The following OR6V1 variants were observed in gnomAD, a reference collection of about 807,000 sequenced individuals.
OR6V1 encodes olfactory receptor family 6 subfamily V member 1, also known as olfactory receptor 6V1.
OR6V1 carries 10 observed loss-of-function variants against 13.2 expected under a neutral mutation model. That is an observed-to-expected ratio of 0.76 (90% CI 0.47 to 1.28). The LOEUF is 1.28. OR6V1 is among the 50% of genes most tolerant of loss of function. The probability of loss-of-function intolerance (pLI) is 0.00; values close to 1 mark genes in which losing one functional copy is unlikely to be tolerated. For missense variants in OR6V1, 350 were observed against 380.4 expected, an observed-to-expected ratio of 0.92 and a Z score of 0.67; for synonymous variants, 137 against 154.2, an observed-to-expected ratio of 0.89 and a Z score of 0.83.
Position 143,052,908 on chromosome 7 carries a change from A to G in OR6V1, c.568A>G (p.Thr190Ala). Residue 190 changes from threonine to alanine, a missense_variant, in exon 1 of 1, where the codon ACT (threonine) becomes GCT (alanine). Coordinates refer to ENST00000418316, the MANE Select transcript of OR6V1 (RefSeq NM_001001667.1). ...EPLLQLSCSD[T>A]RLLEFWDFLM... Reference sequence around the variant, plus strand: ...TCTCCTGCAGTTGTCATGCTCTGACACTCGCCTGTTGGAATTCTGGGACTT... The same window carrying G: ...TCTCCTGCAGTTGTCATGCTCTGACGCTCGCCTGTTGGAATTCTGGGACTT... 6.2e-7 allele frequency: 1 copy of G among 1,613,830 alleles called. No homozygotes were observed.
At position 143,052,823 on chromosome 7, in the gene OR6V1, A is replaced by G. The variant is rs1205698931; in HGVS notation, c.483A>G (p.Arg161=). The part of the protein sequence containing the change: ...FLAMVPTVLS[R]AHLDYCHGDV... ...CCATGGTACCCACTGTCCTCTCCCG[A>G]GCTCATCTTGATTACTGCCATGGCG... The change falls in exon 1 of 1, where the codon CGA becomes CGG. Residue 161 remains arginine, a synonymous_variant. Transcript: ENST00000418316. 7 of 1,613,804 alleles carry G rather than the reference A, an allele frequency of 4.3e-6. No homozygotes were observed. Among genetic ancestry groups the G allele is most frequent in the Non-Finnish European group, 5.9e-6 (7 of 1,179,826 alleles).
In OR6V1 at chr7:143,052,585, A is replaced by T; in HGVS notation, c.245A>T (p.Asp82Val). 6.2e-7 allele frequency: 1 copy of T among 1,613,954 alleles called. No homozygotes were observed. The highest frequency in any genetic ancestry group is 8.5e-7 in the Non-Finnish European group (1 of 1,179,876). Residue 82 changes from aspartate (D) to valine (V), a missense_variant, in exon 1 of 1, where the codon GAC (aspartate) becomes GTC (valine). By Grantham distance (152) the Asp-to-Val change is radical. Coordinates refer to ENST00000418316, the MANE Select transcript of OR6V1 (RefSeq NM_001001667.1). ...ACTGCAGTGCCCAGGATGCTCTCAGACCTGTTGGTCCCCCACAAAGTCATT... is the reference window on the plus strand; with the variant it reads ...ACTGCAGTGCCCAGGATGCTCTCAGTCCTGTTGGTCCCCCACAAAGTCATT... Reference protein sequence around the residue: ...TMTAVPRMLSDLLVPHKVITF... With the variant: ...TMTAVPRMLSVLLVPHKVITF...
Position 143,053,273 on chromosome 7 carries a change from G to T in OR6V1, c.933G>T (p.Lys311Asn). Residue 311 changes from lysine (K) to asparagine (N), a missense_variant, in exon 1 of 1, where the codon AAG becomes AAT. Coordinates refer to ENST00000418316, the MANE Select transcript of OR6V1 (RefSeq NM_001001667.1). The stretch of plus-strand genomic sequence containing the variant: ...TGCAGAGGCTGAAAGGCCTTTGCAA[G>T]GCACAATGATGAGCCCAGGGCCCAG... ...GQMQRLKGLC[K>N]AQ The T allele has an allele frequency of 6.3e-7, 1 of 1,599,684 alleles. No homozygotes were observed.
chr7:143,053,281 G>A lies in OR6V1; in HGVS notation c.941G>A (p.Ter314=). 2 of 1,592,766 alleles carry A rather than the reference G, an allele frequency of 1.3e-6. No homozygotes were observed. Among genetic ancestry groups the A allele is most frequent in the South Asian group, 1.1e-5 (1 of 90,152 alleles). Residue 314 remains the stop codon, a stop_retained_variant, in exon 1 of 1, where the codon TGA becomes TAA. Coordinates refer to ENST00000418316, the MANE Select transcript of OR6V1 (RefSeq NM_001001667.1). ...CTGAAAGGCCTTTGCAAGGCACAAT[G>A]ATGAGCCCAGGGCCCAGGGGAACCT... ...QRLKGLCKAQ[*]
chr7:143,053,220 A>G lies in OR6V1; in HGVS notation c.880A>G (p.Thr294Ala), dbSNP rs1484173824. ...CTTTATCCTTACCTTCTGCAATCAG[A>G]CAGTTAAAACAGTGCTACAGGGGCA... is the stretch of plus-strand genomic sequence containing the variant. ...NPFILTFCNQ[T>A]VKTVLQGQMQ... Residue 294 changes from threonine (T) to alanine (A), a missense_variant, in exon 1 of 1, where the codon ACA becomes GCA. Thr to Ala is a moderately conservative substitution (Grantham distance 58). Transcript: ENST00000418316. 1 of 1,612,310 alleles carries G rather than the reference A, an allele frequency of 6.2e-7. No individual in the cohort carries two copies. Among genetic ancestry groups the G allele is most frequent in the African/African-American group, 1.3e-5 (1 of 74,890 alleles).
chr7:143,053,146 G>A lies in OR6V1; in HGVS notation c.806G>A (p.Arg269Lys), dbSNP rs7791886. The change falls in exon 1 of 1, where the codon AGG (arginine) becomes AAG (lysine). Residue 269 changes from arginine (R) to lysine (K), a missense_variant. Transcript: ENST00000418316. Reference sequence around the variant, plus strand: ...GGCAAAGCTCACTCTGTGCAAGTCAGGAAGGTCGTGGCCTTGGTGACTTCA... The same window carrying A: ...GGCAAAGCTCACTCTGTGCAAGTCAAGAAGGTCGTGGCCTTGGTGACTTCA... The part of the protein sequence containing the change: ...RPGKAHSVQV[R>K]KVVALVTSVL... 14,017 of 1,613,936 alleles carry A rather than the reference G, an allele frequency of 8.7e-3. 953 individuals carry two copies. The African/African-American group carries it at 0.15, about 18-fold the overall frequency.
At position 143,053,090 on chromosome 7, in the gene OR6V1, C is replaced by T. The variant is rs748347576; in HGVS notation, c.750C>T (p.Tyr250=). ...GSHLTLVFIG[Y]SSTIFLYVRP... is the part of the protein sequence containing the mutation. ...ACCTCACACTGGTCTTCATCGGCTA[C>T]AGTAGTACCATCTTTCTGTATGTCA... The change falls in exon 1 of 1, where the codon TAC becomes TAT. Residue 250 remains tyrosine, a synonymous_variant. Transcript: ENST00000418316. 9.9e-6 allele frequency: 16 copies of T among 1,613,862 alleles called. No individual in the cohort carries two copies. The African/African-American group carries it at 1.6e-4, about 16-fold the overall frequency.
Position 143,052,385 on chromosome 7 carries a change from C to T in OR6V1, c.45C>T (p.Phe15=), listed in dbSNP as rs763417107. 3 of 1,613,876 alleles carry T rather than the reference C, an allele frequency of 1.9e-6. No individual in the cohort carries two copies. The highest frequency in any genetic ancestry group is 2.7e-5 in the African/African-American group (2 of 74,930). Residue 15 remains phenylalanine, a synonymous_variant, in exon 1 of 1, where the codon TTC becomes TTT. Transcript: ENST00000418316. ...CCTCCGAATTTGTCCTCTTGGGCTT[C>T]TCCTCCTTTGGTGAGCTGCAGGCCC... is the stretch of plus-strand genomic sequence containing the variant. ...SQPSEFVLLG[F]SSFGELQALL...
chr7:143,053,221 C>A lies in OR6V1; in HGVS notation c.881C>A (p.Thr294Lys), dbSNP rs200254962. Residue 294 changes from threonine to lysine, a missense_variant, in exon 1 of 1, where the codon ACA becomes AAA. Thr to Lys is a moderately conservative substitution (Grantham distance 78). Transcript: ENST00000418316. The stretch of plus-strand genomic sequence containing the variant: ...TTTATCCTTACCTTCTGCAATCAGA[C>A]AGTTAAAACAGTGCTACAGGGGCAG... ...NPFILTFCNQ[T>K]VKTVLQGQMQ... The A allele has an allele frequency of 3.7e-6, 6 of 1,612,428 alleles. No individual in the cohort carries two copies. The highest frequency in any genetic ancestry group is 5.1e-6 in the Non-Finnish European group (6 of 1,179,852).
At position 143,053,094 on chromosome 7, in the gene OR6V1, AG is replaced by A; in HGVS notation, c.755del (p.Ser252IlefsTer24). 6.2e-7 allele frequency: 1 copy of A among 1,614,032 alleles called. No individual in the cohort carries two copies. Among genetic ancestry groups the A allele is most frequent in the African/African-American group, 1.3e-5 (1 of 75,054 alleles). ...HLTLVFIGYS[S>X]TIFLYVRPGK... ...CACACTGGTCTTCATCGGCTACAGT[AG>A]TACCATCTTTCTGTATGTCAGGCCT... On this transcript the variant is annotated frameshift_variant, in exon 1 of 1. Coordinates refer to ENST00000418316, the MANE Select transcript of OR6V1 (RefSeq NM_001001667.1). LOFTEE classifies it high-confidence loss of function.
chr7:143,052,464 A>G lies in OR6V1; in HGVS notation c.124A>G (p.Ile42Val). ...TCTTCTCGCCTTCATGGGAAACACC[A>G]TCATCATAGTTATGGTCATAGCTGA... ...LYLLAFMGNTIIIVMVIADTH... is the reference protein window; with the variant it reads ...LYLLAFMGNTVIIVMVIADTH... The change falls in exon 1 of 1, where the codon ATC becomes GTC. Residue 42 changes from isoleucine (I) to valine (V), a missense_variant. Physicochemically the swap from Ile to Val is conservative, Grantham distance 29. Coordinates refer to ENST00000418316, the MANE Select transcript of OR6V1 (RefSeq NM_001001667.1). 1 of 1,613,832 alleles carries G rather than the reference A, an allele frequency of 6.2e-7. No individual in the cohort carries two copies. The highest frequency in any genetic ancestry group is 8.5e-7 in the Non-Finnish European group (1 of 1,179,830).
In OR6V1 at chr7:143,052,942, C is replaced by G. The variant is rs746317424; in HGVS notation, c.602C>G (p.Ala201Gly). Residue 201 changes from alanine (A) to glycine (G), a missense_variant, in exon 1 of 1, where the codon GCC (alanine) becomes GGC (glycine). Physicochemically the swap from Ala to Gly is moderately conservative, Grantham distance 60. Transcript: ENST00000418316. ...RLLEFWDFLM[A>G]LTFVLSSFLV... ...TTGGAATTCTGGGACTTTCTGATGG[C>G]CTTGACCTTTGTCCTCAGCTCCTTC... 1 of 1,614,022 alleles carries G rather than the reference C, an allele frequency of 6.2e-7. No homozygotes were observed. The highest frequency in any genetic ancestry group is 8.5e-7 in the Non-Finnish European group (1 of 1,179,886).
At position 143,052,862 on chromosome 7, in the gene OR6V1, C is replaced by G. The variant is rs760716143; in HGVS notation, c.522C>G (p.His174Gln). ...ACTGCCATGGCGACGTCATCAACCA[C>G]TTCTTCTGTGACAATGAACCTCTCC... The part of the protein sequence containing the change: ...LDYCHGDVIN[H>Q]FFCDNEPLLQ... Residue 174 changes from histidine to glutamine, a missense_variant, in exon 1 of 1, where the codon CAC becomes CAG. Transcript: ENST00000418316. 1.2e-6 allele frequency: 2 copies of G among 1,613,946 alleles called. No homozygotes were observed. The highest frequency in any genetic ancestry group is 1.7e-6 in the Non-Finnish European group (2 of 1,179,906).
rs371920052 is a variant in OR6V1, at chr7:143,052,676, C to T, written c.336C>T (p.Ile112=). ...HFSLGSTSFL[I]LTDMALDRFV... Reference sequence around the variant, plus strand: ...CCCTGGGGTCCACCTCCTTCCTCATCCTGACAGACATGGCCCTTGATCGCT... The same window carrying T: ...CCCTGGGGTCCACCTCCTTCCTCATTCTGACAGACATGGCCCTTGATCGCT... Residue 112 remains isoleucine (I), a synonymous_variant, in exon 1 of 1, where the codon ATC becomes ATT. Transcript: ENST00000418316. 5 of 1,613,910 alleles carry T rather than the reference C, an allele frequency of 3.1e-6. No homozygotes were observed. The highest frequency in any genetic ancestry group is 4.2e-6 in the Non-Finnish European group (5 of 1,179,888).
At position 143,053,161 on chromosome 7, in the gene OR6V1, T is replaced by C; in HGVS notation, c.821T>C (p.Leu274Ser). 1 of 1,613,996 alleles carries C rather than the reference T, an allele frequency of 6.2e-7. No individual in the cohort carries two copies. The highest frequency in any genetic ancestry group is 8.5e-7 in the Non-Finnish European group (1 of 1,179,856). Residue 274 changes from leucine (L) to serine (S), a missense_variant, in exon 1 of 1, where the codon TTG (leucine) becomes TCG (serine). Transcript: ENST00000418316. ...GTGCAAGTCAGGAAGGTCGTGGCCTTGGTGACTTCAGTTCTCACCCCCTTT... is the reference window on the plus strand; with the variant it reads ...GTGCAAGTCAGGAAGGTCGTGGCCTCGGTGACTTCAGTTCTCACCCCCTTT... Reference protein sequence around the residue: ...HSVQVRKVVALVTSVLTPFLN... With the variant: ...HSVQVRKVVASVTSVLTPFLN...
rs777918510 is a variant in OR6V1, at chr7:143,053,211, T to A, written c.871T>A (p.Cys291Ser). The A allele has an allele frequency of 3.1e-6, 5 of 1,613,390 alleles. No homozygotes were observed. The highest frequency in any genetic ancestry group is 3.4e-6 in the Non-Finnish European group (4 of 1,179,872). The change falls in exon 1 of 1, where the codon TGC becomes AGC. Residue 291 changes from cysteine (C) to serine (S), a missense_variant. Coordinates refer to ENST00000418316, the MANE Select transcript of OR6V1 (RefSeq NM_001001667.1). ...PFLNPFILTF[C>S]NQTVKTVLQG... is the part of the protein sequence containing the mutation. ...TCTCAATCCCTTTATCCTTACCTTC[T>A]GCAATCAGACAGTTAAAACAGTGCT...
In OR6V1 at chr7:143,053,236, T is replaced by C; in HGVS notation, c.896T>C (p.Leu299Pro). The C allele has an allele frequency of 6.2e-7, 1 of 1,610,738 alleles. No individual in the cohort carries two copies. Among genetic ancestry groups the C allele is most frequent in the Non-Finnish European group, 8.5e-7 (1 of 1,179,838 alleles). Residue 299 changes from leucine to proline, a missense_variant, in exon 1 of 1, where the codon CTA (leucine) becomes CCA (proline). Leu to Pro is a moderately conservative substitution (Grantham distance 98). Coordinates refer to ENST00000418316, the MANE Select transcript of OR6V1 (RefSeq NM_001001667.1). ...TGCAATCAGACAGTTAAAACAGTGC[T>C]ACAGGGGCAGATGCAGAGGCTGAAA... ...TFCNQTVKTV[L>P]QGQMQRLKGL...
chr7:143,053,274 G>A lies in OR6V1; in HGVS notation c.934G>A (p.Ala312Thr). 6.3e-7 allele frequency: 1 copy of A among 1,598,220 alleles called. No individual in the cohort carries two copies. Reference protein sequence around the residue: ...QMQRLKGLCKAQ With the variant: ...QMQRLKGLCKTQ The stretch of plus-strand genomic sequence containing the variant: ...GCAGAGGCTGAAAGGCCTTTGCAAG[G>A]CACAATGATGAGCCCAGGGCCCAGG... Residue 312 changes from alanine (A) to threonine (T), a missense_variant, in exon 1 of 1, where the codon GCA becomes ACA. Transcript: ENST00000418316.
rs1444945054 is a variant in OR6V1 at position 143,053,189 on chromosome 7, C to T, written c.849C>T (p.Leu283=). Residue 283 remains leucine (L), a synonymous_variant, in exon 1 of 1, where the codon CTC becomes CTT. Transcript: ENST00000418316. ...ALVTSVLTPF[L]NPFILTFCNQ... Reference sequence around the variant, plus strand: ...TGACTTCAGTTCTCACCCCCTTTCTCAATCCCTTTATCCTTACCTTCTGCA... The same window carrying T: ...TGACTTCAGTTCTCACCCCCTTTCTTAATCCCTTTATCCTTACCTTCTGCA... 1 of 1,613,804 alleles carries T rather than the reference C, an allele frequency of 6.2e-7. No homozygotes were observed. Among genetic ancestry groups the T allele is most frequent in the Non-Finnish European group, 8.5e-7 (1 of 1,179,884 alleles).
Sources: gnomAD v4.1 joint callset for allele counts on GRCh38, gnomAD v4.1.1 for gene constraint, MANE v1.5 for transcripts, NCBI Gene and HGNC (gene_info 2026-07-23, HGNC 2026-07-21) for gene names.